PRELID2: variants seen among roughly 807,000 people sequenced by gnomAD.
PRELID2 encodes the protein PRELI domain-containing protein 2.
PRELID2 carries 25 observed loss-of-function variants against 28.4 expected under a neutral mutation model. The ratio of observed to expected loss-of-function variants is 0.88; its 90% CI spans 0.64 to 1.23. PRELID2 has a LOEUF of 1.23. PRELID2 is among the 50% of genes most tolerant of loss of function. The pLI is 0.00. For missense variants in PRELID2, 201 were observed against 214.4 expected, an observed-to-expected ratio of 0.94 and a Z score of 0.39; for synonymous variants, 76 against 71.6, an observed-to-expected ratio of 1.06 and a Z score of -0.31.
chr5:145,792,367 G>A (rs535436777), intron 5 of PRELID2, among the ~76,000 whole-genome samples: 10 of 152,244 alleles, frequency 6.6e-5, no homozygotes, highest in East Asian at 3.9e-4. Context: ...AAGGTAATGC[G>A]TGCCAAGGAC....
intron 1 of PRELID2, among the ~76,000 whole-genome samples, chr5:145,750,893 C>T (rs1432378722): frequency 6.6e-6 from 1 of 152,166 alleles, no homozygotes; most frequent in Non-Finnish European, 1.5e-5. Flanking sequence ...TGTTACTTTA[C>T]CCCTTCAAGA....
chr5:145,344,009 C>T, the PRELID2 span, among the ~76,000 whole-genome samples: 1 of 151,744 alleles, frequency 6.6e-6, no homozygotes, highest in Non-Finnish European at 1.5e-5. Flanking sequence ...AAGACTGAAT[C>T]AGTAATAAGT....
At chr5:145,261,412 C>A in the PRELID2 span, among the ~76,000 whole-genome samples, 4 of 152,298 alleles carry the variant, frequency 2.6e-5, no homozygotes, top group South Asian at 8.3e-4. Flanking sequence ...ACCAAGGACC[C>A]TCACAGAATC....
intron 1 of PRELID2, among the ~76,000 whole-genome samples, chr5:145,521,442 T>C (rs144062340): frequency 1.3e-5 from 2 of 152,248 alleles, no homozygotes; most frequent in African/African-American, 2.4e-5. Flanking sequence ...CAGACTCCAA[T>C]TAGCTGCAAT....
At chr5:145,229,016 T>G in the PRELID2 span, 1 of 1,602,388 alleles carries the variant, frequency 6.2e-7, no homozygotes, top group Non-Finnish European at 8.5e-7. Context: ...GCAGGGAGTT[T>G]GTGGAGGAGT....
chr5:145,289,263 A>T, the PRELID2 span, among the ~76,000 whole-genome samples: 10 of 152,158 alleles, frequency 6.6e-5, no homozygotes, highest in African/African-American at 2.2e-4. Flanking sequence ...TCTGGCTGAA[A>T]AAGTCTTCTG....
chr5:145,369,014 G>A, the PRELID2 span, among the ~76,000 whole-genome samples: 2 of 151,490 alleles, frequency 1.3e-5, no homozygotes, highest in South Asian at 2.1e-4. Flanking sequence ...CCCTCTATGT[G>A]TCCGTGTATT....
intron 1 of PRELID2, among the ~76,000 whole-genome samples, chr5:145,504,787 A>C (rs1478647833): frequency 2.0e-5 from 3 of 152,094 alleles, no homozygotes; most frequent in Non-Finnish European, 4.4e-5. Flanking sequence ...ATTATTGTCT[A>C]CTTCATTTGC....
At chr5:145,374,172 G>A in the PRELID2 span, among the ~76,000 whole-genome samples, 1 of 151,736 alleles carries the variant, frequency 6.6e-6, no homozygotes, top group Non-Finnish European at 1.5e-5. Flanking sequence ...TTGTAAGGCA[G>A]GCCTGGTGGT....
chr5:145,775,230 A>T (rs924644250), intron 5 of PRELID2, among the ~76,000 whole-genome samples: 2 of 150,176 alleles, frequency 1.3e-5, no homozygotes, highest in Non-Finnish European at 1.5e-5. Context: ...ACAGAATGAG[A>T]CTCCATCTCA....
the PRELID2 span, among the ~76,000 whole-genome samples, chr5:145,291,815 C>T: frequency 3.3e-5 from 5 of 152,020 alleles, no homozygotes; most frequent in East Asian, 1.9e-4. Flanking sequence ...AGTATAAATT[C>T]GGTGTCTTGG....
At chr5:145,393,763 C>T in the PRELID2 span, among the ~76,000 whole-genome samples, 7 of 152,256 alleles carry the variant, frequency 4.6e-5, no homozygotes, top group South Asian at 1.0e-3. Context: ...AATCTTTAAA[C>T]TTAAAATACG....
the PRELID2 span, among the ~76,000 whole-genome samples, chr5:145,256,073 C>G: frequency 4.0e-5 from 6 of 151,818 alleles, no homozygotes; most frequent in Non-Finnish European, 7.4e-5. Flanking sequence ...GAAGTCAAGG[C>G]AAAACAGGTC....
chr5:145,468,625 T>C (rs1034597082), downstream of PRELID2, among the ~76,000 whole-genome samples: 1 of 152,222 alleles, frequency 6.6e-6, no homozygotes, highest in African/African-American at 2.4e-5. Context: ...TGGTGTGAGA[T>C]GGCATCTCAC....
chr5:145,740,544 A>G (rs1233893618), intron 1 of PRELID2, among the ~76,000 whole-genome samples: 1 of 39,234 alleles, frequency 2.5e-5, no homozygotes, highest in Non-Finnish European at 6.1e-5. Context: ...TTTACCCAAC[A>G]ACATGAGAAT....
chr5:145,698,917 A>T (rs946428804), intron 1 of PRELID2, among the ~76,000 whole-genome samples: 1 of 152,096 alleles, frequency 6.6e-6, no homozygotes, highest in African/African-American at 2.4e-5. Flanking sequence ...AGTAGAGACG[A>T]GGTTTCGCCA....
the PRELID2 span, among the ~76,000 whole-genome samples, chr5:145,398,701 C>A: frequency 1.3e-5 from 2 of 152,080 alleles, no homozygotes; most frequent in Admixed American, 6.6e-5. Flanking sequence ...GTGGAGCTTG[C>A]ATCCAAGTGG....
chr5:145,297,380 C>A, the PRELID2 span, among the ~76,000 whole-genome samples: 1 of 151,912 alleles, frequency 6.6e-6, no homozygotes, highest in Non-Finnish European at 1.5e-5. Context: ...ATGATTATCT[C>A]AATAGATGCA....
downstream of PRELID2, among the ~76,000 whole-genome samples, chr5:145,753,032 A>C (rs1261942886): frequency 6.6e-6 from 1 of 152,204 alleles, no homozygotes; most frequent in East Asian, 1.9e-4. Context: ...AAAATGGAAA[A>C]ACAAAAACAT....
Sources: allele counts gnomAD v4.1 joint callset (sites outside exome capture counted in the v4.1 genomes callset), GRCh38; gene constraint gnomAD v4.1.1; transcripts MANE v1.5; gene names NCBI Gene and HGNC (gene_info 2026-07-23, HGNC 2026-07-21).